Variants in ADARB2 observed in about 807,000 individuals in gnomAD.
ADARB2 encodes adenosine deaminase RNA specific B2 (inactive).
ADARB2 carries 25 observed loss-of-function variants against 62.2 expected under a neutral mutation model. That is an observed-to-expected ratio of 0.40 (90% CI 0.29 to 0.56). The LOEUF (loss-of-function observed/expected upper bound fraction) is 0.56, where lower values mean the gene tolerates loss of function less well. Among genes scored for constraint, ADARB2 ranks in the 20% least tolerant of loss-of-function variants. The probability of loss-of-function intolerance (pLI) is 0.43; values close to 1 mark genes in which losing one functional copy is unlikely to be tolerated. For synonymous variants in ADARB2, 572 were observed against 500.8 expected, an observed-to-expected ratio of 1.14 and a Z score of -1.90; for missense variants, 1,071 against 1,077.4, an observed-to-expected ratio of 0.99 and a Z score of 0.08.
intron 1 of ADARB2, among the ~76,000 whole-genome samples, chr10:1,442,262 G>A (rs1830916459): frequency 6.6e-6 from 1 of 152,172 alleles, no homozygotes; most frequent in Admixed American, 6.5e-5. Context: ...TCCCTCCTTG[G>A]TAGGTGTGGT....
At chr10:1,347,749 G>A (rs561917113) in intron 3 of ADARB2, among the ~76,000 whole-genome samples, 1 of 152,282 alleles carries the variant, frequency 6.6e-6, no homozygotes, top group African/African-American at 2.4e-5. Context: ...GCCCTCCTCT[G>A]GACCCCACGT....
chr10:1,430,862 T>C (rs1210261661), intron 1 of ADARB2, among the ~76,000 whole-genome samples: 1 of 152,106 alleles, frequency 6.6e-6, no homozygotes, highest in Non-Finnish European at 1.5e-5. Context: ...TGGGAAGACA[T>C]AACTATCCTA....
chr10:1,350,409 G>A (rs1251941650), intron 3 of ADARB2, among the ~76,000 whole-genome samples: 1 of 151,924 alleles, frequency 6.6e-6, no homozygotes, highest in African/African-American at 2.4e-5. Context: ...GCCAGACCGA[G>A]CTAGGTCCCA....
chr10:1,449,818 T>A (rs1410995509), intron 1 of ADARB2, among the ~76,000 whole-genome samples: 1 of 152,230 alleles, frequency 6.6e-6, no homozygotes, highest in Admixed American at 6.5e-5. Flanking sequence ...ATTAAGGACT[T>A]TACGGATACC....
intron 2 of ADARB2, among the ~76,000 whole-genome samples, chr10:1,372,266 C>A (rs1380895139): frequency 6.6e-6 from 1 of 151,976 alleles, no homozygotes; most frequent in Non-Finnish European, 1.5e-5. Flanking sequence ...ACGATGGGTA[C>A]ACATGGACAT....
At chr10:1,668,547 C>T (rs1158636624) in intron 1 of ADARB2, among the ~76,000 whole-genome samples, 2 of 152,120 alleles carry the variant, frequency 1.3e-5, no homozygotes, top group African/African-American at 4.8e-5. Flanking sequence ...TGGGGCTGAT[C>T]GGCTCACTGG....
intron 1 of ADARB2, among the ~76,000 whole-genome samples, chr10:1,464,027 A>G (rs2131911270): frequency 6.6e-6 from 1 of 152,276 alleles, no homozygotes; most frequent in East Asian, 1.9e-4. Flanking sequence ...AACCACAGAG[A>G]AGCTGATGAC....
chr10:1,599,039 C>A (rs1245931987), intron 1 of ADARB2, among the ~76,000 whole-genome samples: 1 of 152,230 alleles, frequency 6.6e-6, no homozygotes, highest in Admixed American at 6.5e-5. Context: ...AGCTCACAAC[C>A]AAGAGTGCCA....
intron 1 of ADARB2, among the ~76,000 whole-genome samples, chr10:1,439,232 A>G (rs1422075510): frequency 1.6e-5 from 2 of 123,898 alleles, no homozygotes; most frequent in Non-Finnish European, 3.2e-5. Context: ...CTCTCCCAGG[A>G]TGGAGGCAGA....
rs115732498 is a variant in ADARB2 at position 1,569,712 on chromosome 10, T to G, written c.100+167339A>C. The stretch of plus-strand genomic sequence containing the variant: ...TTAATTGGCCATAAATTTGATCATA[T>G]TTTGCCTTCATACTCTAGACACATA... On this transcript the variant is annotated intron_variant, in intron 1 of 9. Coordinates refer to ENST00000381312, the MANE Select transcript of ADARB2 (RefSeq NM_018702.4). Among the ~76,000 whole-genome samples the G allele has an allele frequency of 4.6e-3, 697 of 152,296 alleles. 11 individuals carry two copies. The highest frequency in any genetic ancestry group is 0.015 in the African/African-American group (610 of 41,566).
intron 7 of ADARB2, among the ~76,000 whole-genome samples, chr10:1,205,318 C>G (rs7074461): frequency 0.91 from 135,695 of 149,602 alleles, 63,084 homozygotes; most frequent in Non-Finnish European, 1. Context: ...TTCTGAGGTG[C>G]TTTGCTTCAC....
intron 3 of ADARB2, among the ~76,000 whole-genome samples, chr10:1,301,785 T>C (rs1831575645): frequency 6.6e-6 from 1 of 152,238 alleles, no homozygotes; most frequent in African/African-American, 2.4e-5. Context: ...AAATAGACTA[T>C]ATTTTAAAGC....
intron 6 of ADARB2, among the ~76,000 whole-genome samples, chr10:1,228,747 G>A (rs546664706): frequency 2.0e-5 from 3 of 152,308 alleles, no homozygotes; most frequent in East Asian, 1.9e-4. Context: ...GATGCACCAC[G>A]AACACTTTTC....
At chr10:1,582,786 T>G (rs947083649) in intron 1 of ADARB2, among the ~76,000 whole-genome samples, 1 of 152,186 alleles carries the variant, frequency 6.6e-6, no homozygotes. Flanking sequence ...AGCATGGTTT[T>G]CAGGAAGATC....
chr10:1,209,472 C>T (rs1379858663), intron 7 of ADARB2, among the ~76,000 whole-genome samples: 2 of 142,336 alleles, frequency 1.4e-5, no homozygotes, highest in African/African-American at 5.9e-5. Context: ...ATCACCCACA[C>T]CCATGCCCAT....
chr10:1,458,733 C>G (rs1223728442), intron 1 of ADARB2, among the ~76,000 whole-genome samples: 1 of 152,186 alleles, frequency 6.6e-6, no homozygotes, highest in Non-Finnish European at 1.5e-5. Flanking sequence ...CTACATGAAC[C>G]TCATGGGGAA....
At chr10:1,606,399 C>G (rs1188861765) in intron 1 of ADARB2, among the ~76,000 whole-genome samples, 1 of 152,182 alleles carries the variant, frequency 6.6e-6, no homozygotes, top group Non-Finnish European at 1.5e-5. Context: ...AAAGAATGCT[C>G]TCTACGCAAG....
chr10:1,548,422 G>A (rs75152543), intron 1 of ADARB2, among the ~76,000 whole-genome samples: 29,795 of 152,188 alleles, frequency 0.2, 3,278 homozygotes, highest in Non-Finnish European at 0.25. Context: ...GGGGGGTTTC[G>A]GGGACCCCCG....
intron 1 of ADARB2, among the ~76,000 whole-genome samples, chr10:1,490,727 T>C (rs1831611400): frequency 6.6e-6 from 1 of 152,206 alleles, no homozygotes; most frequent in Non-Finnish European, 1.5e-5. Context: ...AGTGCTGGAA[T>C]CACCCGCCTG....
Sources: allele counts gnomAD v4.1 joint callset (sites outside exome capture counted in the v4.1 genomes callset), GRCh38; gene constraint gnomAD v4.1.1; transcripts MANE v1.5; gene names NCBI Gene and HGNC (gene_info 2026-07-23, HGNC 2026-07-21).